The following ZNF716 variants were observed in gnomAD, a reference collection of about 807,000 sequenced individuals.
The protein encoded by ZNF716 is zinc finger protein 716.
A neutral mutation model predicts 13.4 loss-of-function variants in ZNF716; 9 were observed. The ratio of observed to expected loss-of-function variants is 0.67; its 90% CI spans 0.41 to 1.18. The LOEUF is 1.18. Ranked by LOEUF, ZNF716 falls within the 50% of genes most tolerant of loss-of-function variation. The pLI is 0.01. For missense variants in ZNF716, 581 were observed against 576.6 expected, an observed-to-expected ratio of 1.01 and a Z score of -0.08; for synonymous variants, 186 against 195.2, an observed-to-expected ratio of 0.95 and a Z score of 0.39.
chr7:57,456,136 A>G (rs1789586076), intron 1 of ZNF716, among the ~76,000 whole-genome samples: 1 of 151,724 alleles, frequency 6.6e-6, no homozygotes, highest in Non-Finnish European at 1.5e-5. Context: ...TTGTATTTTT[A>G]GTAGAGATGG....
In ZNF716 at chr7:57,469,086, AG is replaced by A; in HGVS notation, c.628del (p.Glu210ArgfsTer135). On this transcript the variant is annotated frameshift_variant, in exon 4 of 4. Coordinates refer to ENST00000420713, the MANE Select transcript of ZNF716 (RefSeq NM_001159279.1). LOFTEE classifies it low-confidence loss of function (END_TRUNC). ...AAATCAACATCAGATAATTCATACT[AG>A]GGAGAAGTCTTACAAATGTGAAGAA... ...RLNQHQIIHTREKSYKCEECG... is the reference protein window; with the variant it reads ...RLNQHQIIHTXEKSYKCEECG... 6.2e-7 allele frequency: 1 copy of A among 1,608,224 alleles called. No individual in the cohort carries two copies. The highest frequency in any genetic ancestry group is 8.5e-7 in the Non-Finnish European group (1 of 1,176,758).
intron 3 of ZNF716, among the ~76,000 whole-genome samples, chr7:57,468,189 C>A (rs1789848666): frequency 6.6e-6 from 1 of 152,142 alleles, no homozygotes; most frequent in African/African-American, 2.4e-5. Context: ...CAGTCAGTAA[C>A]TACTTTCTAC....
At chr7:57,454,583 G>A (rs10270242) in intron 1 of ZNF716, among the ~76,000 whole-genome samples, 1 of 152,288 alleles carries the variant, frequency 6.6e-6, no homozygotes, top group Admixed American at 6.5e-5. Context: ...AGCAACAGAG[G>A]CAGGGAAACC....
At chr7:57,459,699 A>G (rs1789672351) in intron 1 of ZNF716, among the ~76,000 whole-genome samples, 2 of 152,278 alleles carry the variant, frequency 1.3e-5, no homozygotes, top group South Asian at 4.1e-4. Context: ...CATCAAAGGA[A>G]GGCTGCACTG....
chr7:57,469,848 C>A lies in ZNF716; in HGVS notation c.1387C>A (p.Pro463Thr). ...TAAGAGGATTCATACTGGAGAGAAA[C>A]CCTACAAATGTGAAGAATGTGACCA... is the stretch of plus-strand genomic sequence containing the variant. ...THKRIHTGEKPYKCEECDQTF... is the reference protein window; with the variant it reads ...THKRIHTGEKTYKCEECDQTF... Residue 463 changes from proline (P) to threonine (T), a missense_variant, in exon 4 of 4, where the codon CCC (proline) becomes ACC (threonine). Coordinates refer to ENST00000420713, the MANE Select transcript of ZNF716 (RefSeq NM_001159279.1). 6.2e-7 allele frequency: 1 copy of A among 1,603,452 alleles called. No homozygotes were observed. The highest frequency in any genetic ancestry group is 8.5e-7 in the Non-Finnish European group (1 of 1,174,420).
rs1453221218 is a variant in ZNF716, at chr7:57,472,047, C to T, written c.*2098C>T. 6.6e-6 allele frequency: 1 copy of T among 152,078 alleles called. No individual in the cohort carries two copies. Among genetic ancestry groups the T allele is most frequent in the Non-Finnish European group, 1.5e-5 (1 of 68,018 alleles). The allele number at this position is 152,078 out of a possible 1,614,324, so 9.4% of individuals were successfully genotyped here. A position where few individuals can be genotyped will look rare whatever the true frequency, so the allele number is the denominator to read the frequency against. The stretch of plus-strand genomic sequence containing the variant: ...CCATTGTTTCTGTGAAAGTATTGGA[C>T]CAATTGTTGAATCAGAGATATGAGA... On this transcript the variant is annotated 3_prime_UTR_variant, in exon 4 of 4. Transcript: ENST00000420713.
At chr7:57,461,427 A>AT (rs199772676) in intron 1 of ZNF716, among the ~76,000 whole-genome samples, 1 of 152,140 alleles carries the variant, frequency 6.6e-6, no homozygotes, top group Non-Finnish European at 1.5e-5. Flanking sequence ...TCTCTATGGC[A>AT]TTTTTTCTAC....
chr7:57,471,082 C>A lies in ZNF716; in HGVS notation c.*1133C>A, dbSNP rs1443133720. ...AAAGAATGTGAAAAGCCATTAATGT[C>A]TGTTCACATCTTACTCAATATCAGA... On this transcript the variant is annotated 3_prime_UTR_variant, in exon 4 of 4. Transcript: ENST00000420713. 1 of 152,052 alleles carries A rather than the reference C, an allele frequency of 6.6e-6. No individual in the cohort carries two copies. The highest frequency in any genetic ancestry group is 2.4e-5 in the African/African-American group (1 of 41,410). The allele number at this position is 152,052 out of a possible 1,614,324, so 9.4% of individuals were successfully genotyped here. A position where few individuals can be genotyped will look rare whatever the true frequency, so the allele number is the denominator to read the frequency against.
chr7:57,461,755 T>C (rs533675639), intron 1 of ZNF716, among the ~76,000 whole-genome samples: 40 of 152,310 alleles, frequency 2.6e-4, no homozygotes, highest in African/African-American at 9.4e-4. Context: ...ATAAGATCTT[T>C]AGTTTATTGC....
chr7:57,466,081 T>A (rs1789807105), intron 3 of ZNF716, among the ~76,000 whole-genome samples: 1 of 152,048 alleles, frequency 6.6e-6, no homozygotes, highest in South Asian at 2.1e-4. Flanking sequence ...ATATACCTAA[T>A]GCTAGATGAC....
Position 57,469,657 on chromosome 7 carries a change from A to G in ZNF716, c.1196A>G (p.Lys399Arg), listed in dbSNP as rs1313666200. The change falls in exon 4 of 4, where the codon AAG (lysine) becomes AGG (arginine). Residue 399 changes from lysine (K) to arginine (R), a missense_variant. Transcript: ENST00000420713. ...FSLPSTFTYH[K>R]RTHTGEKPYK... ...TTACCCTCAACCTTCACTTACCACA[A>G]GAGAACTCATACTGGAGAGAAACCC... is the stretch of plus-strand genomic sequence containing the variant. The G allele has an allele frequency of 1.3e-6, 2 of 1,588,536 alleles. No individual in the cohort carries two copies. The highest frequency in any genetic ancestry group is 2.3e-5 in the East Asian group (1 of 42,778).
chr7:57,469,463 C>T lies in ZNF716; in HGVS notation c.1002C>T (p.Ser334=). 1 of 1,613,746 alleles carries T rather than the reference C, an allele frequency of 6.2e-7. No homozygotes were observed. Among genetic ancestry groups the T allele is most frequent in the Admixed American group, 1.7e-5 (1 of 59,914 alleles). ...GTGAAGAATGTGGCAAAGCCTTTAG[C>T]TTATCCTCAACCCTTAAGAAACATA... is the stretch of plus-strand genomic sequence containing the variant. ...YKCEECGKAF[S]LSSTLKKHKI... Residue 334 remains serine, a synonymous_variant, in exon 4 of 4, where the codon AGC becomes AGT. Coordinates refer to ENST00000420713, the MANE Select transcript of ZNF716 (RefSeq NM_001159279.1).
intron 1 of ZNF716, among the ~76,000 whole-genome samples, chr7:57,451,334 A>G (rs1789489348): frequency 1.3e-5 from 2 of 150,500 alleles, no homozygotes; most frequent in South Asian, 4.2e-4. Context: ...TACATTTGAG[A>G]TAGATTTTTT....
At chr7:57,457,134 T>A (rs1789607202) in intron 1 of ZNF716, among the ~76,000 whole-genome samples, 1 of 152,152 alleles carries the variant, frequency 6.6e-6, no homozygotes. Context: ...GCCTACAAGT[T>A]TCCTGGCATA....
At chr7:57,454,549 G>A (rs1259287288) in intron 1 of ZNF716, among the ~76,000 whole-genome samples, 4 of 152,172 alleles carry the variant, frequency 2.6e-5, no homozygotes, top group African/African-American at 9.7e-5. Flanking sequence ...CTCCAGCCAT[G>A]GAAGAAGCCT....
In ZNF716 at chr7:57,468,913, C is replaced by G; in HGVS notation, c.452C>G (p.Ala151Gly). The change falls in exon 4 of 4, where the codon GCT (alanine) becomes GGT (glycine). Residue 151 changes from alanine (A) to glycine (G), a missense_variant. Physicochemically the swap from Ala to Gly is moderately conservative, Grantham distance 60. Coordinates refer to ENST00000420713, the MANE Select transcript of ZNF716 (RefSeq NM_001159279.1). Reference sequence around the variant, plus strand: ...AATTATGTTAACCAATGTTTGTCAGCTACCCAAAACAAAACATTTCAGACT... The same window carrying G: ...AATTATGTTAACCAATGTTTGTCAGGTACCCAAAACAAAACATTTCAGACT... ...GYNYVNQCLS[A>G]TQNKTFQTHK... 6.2e-7 allele frequency: 1 copy of G among 1,612,088 alleles called. No homozygotes were observed.
In ZNF716 at chr7:57,450,346, A is replaced by C; in HGVS notation, c.39+19A>C. 6.2e-7 allele frequency: 1 copy of C among 1,612,766 alleles called. No homozygotes were observed. Among genetic ancestry groups the C allele is most frequent in the Non-Finnish European group, 8.5e-7 (1 of 1,179,914 alleles). On this transcript the variant is annotated intron_variant, in intron 1 of 3. Transcript: ENST00000420713. ...AGAAATGGTGAGTGCTGGGTCTGTC[A>C]CCGTGAGAGAGGGGTGGGGGCTGGT...
chr7:57,463,064 A>C lies in ZNF716; in HGVS notation c.167-9A>C, dbSNP rs782222742. On this transcript the variant is annotated splice_polypyrimidine_tract_variant and intron_variant, in intron 2 of 3. Transcript: ENST00000420713. ...GATTTATGTTACTTTTTTTTCCTTA[A>C]TAAAACAGGTATTGCTGTCTCTAAG... 1.9e-6 allele frequency: 3 copies of C among 1,606,244 alleles called. No individual in the cohort carries two copies. Among genetic ancestry groups the C allele is most frequent in the Non-Finnish European group, 2.5e-6 (3 of 1,179,074 alleles).
At chr7:57,456,485 T>TA (rs1435692414) in intron 1 of ZNF716, among the ~76,000 whole-genome samples, 2 of 152,002 alleles carry the variant, frequency 1.3e-5, no homozygotes, top group African/African-American at 4.8e-5. Context: ...CTCCGGGTGG[T>TA]ATCAGGATGG....
Sources: allele counts gnomAD v4.1 joint callset (sites outside exome capture counted in the v4.1 genomes callset), GRCh38; gene constraint gnomAD v4.1.1; transcripts MANE v1.5; gene names NCBI Gene and HGNC (gene_info 2026-07-23, HGNC 2026-07-21).